Variants in SHTN1 observed in about 807,000 individuals in gnomAD.
SHTN1 encodes shootin-1.
Under a neutral mutation model 83.1 loss-of-function variants are expected in SHTN1, and 42 were observed. The observed-to-expected ratio is 0.51, with a 90% CI of 0.39 to 0.65. The LOEUF (loss-of-function observed/expected upper bound fraction) is 0.65, where lower values mean the gene tolerates loss of function less well. Ranked by LOEUF, SHTN1 falls within the 30% of genes least tolerant of loss-of-function variation. SHTN1 has a pLI of 0.00. For missense variants in SHTN1, 622 were observed against 737.8 expected, an observed-to-expected ratio of 0.84 and a Z score of 1.82; for synonymous variants, 224 against 247.7, an observed-to-expected ratio of 0.90 and a Z score of 0.90.
chr10:116,883,166 C>T lies in SHTN1; in HGVS notation c.*3178G>A, dbSNP rs186570355. ...TGACTTCAACACAGAGCAGTTTACT[C>T]ACCTATCCTCGAGACTGCACTCACC... On this transcript the variant is annotated 3_prime_UTR_variant, in exon 17 of 17. Coordinates refer to ENST00000355371, the MANE Select transcript of SHTN1 (RefSeq NM_001127211.3). 3 of 152,306 alleles carry T rather than the reference C, an allele frequency of 2.0e-5. No homozygotes were observed. 9.4% of individuals were successfully genotyped at this position (152,306 alleles called of 1,614,324 possible). A position where few individuals can be genotyped will look rare whatever the true frequency, so the allele number is the denominator to read the frequency against.
chr10:117,074,851 T>C (rs1054869567), intron 1 of SHTN1, among the ~76,000 whole-genome samples: 21 of 152,090 alleles, frequency 1.4e-4, no homozygotes, highest in African/African-American at 4.8e-4. Context: ...GATGGGCAGA[T>C]AGCAGGTACT....
chr10:116,911,339 G>T (rs893519139), intron 14 of SHTN1, among the ~76,000 whole-genome samples: 4 of 152,138 alleles, frequency 2.6e-5, no homozygotes, highest in Admixed American at 6.5e-5. Context: ...TAATTGTTTC[G>T]ACTGTGAGGA....
intron 16 of SHTN1, chr10:116,900,217 A>G (rs1337258790): frequency 3.8e-6 from 1 of 263,984 alleles, no homozygotes; most frequent in East Asian, 6.6e-5. Context: ...ATTAGGTTTC[A>G]AAGTTTAGAA....
At chr10:116,984,267 A>C (rs1020328107) in intron 1 of SHTN1, among the ~76,000 whole-genome samples, 1 of 152,170 alleles carries the variant, frequency 6.6e-6, no homozygotes, top group Non-Finnish European at 1.5e-5. Context: ...TTTAAATTTT[A>C]ATTGATTGAA....
chr10:116,902,630 G>A (rs1209841106), intron 15 of SHTN1, among the ~76,000 whole-genome samples: 1 of 152,172 alleles, frequency 6.6e-6, no homozygotes, highest in Non-Finnish European at 1.5e-5. Flanking sequence ...GGGCATTGAA[G>A]CCAGTCCCTA....
chr10:116,968,439 A>T (rs1327622537), intron 3 of SHTN1, among the ~76,000 whole-genome samples: 3 of 152,228 alleles, frequency 2.0e-5, no homozygotes, highest in Admixed American at 2.0e-4. Context: ...TAACAAGTAT[A>T]GGTTTTTCTA....
chr10:116,937,657 G>A (rs144583666), intron 9 of SHTN1, among the ~76,000 whole-genome samples: 1,818 of 152,076 alleles, frequency 0.012, 40 homozygotes, highest in African/African-American at 0.041. Flanking sequence ...TGCTCTTCTC[G>A]AGGAGTATCT....
Position 116,930,001 on chromosome 10 carries a change from A to G in SHTN1, c.860T>C (p.Val287Ala). Residue 287 changes from valine (V) to alanine (A), a missense_variant and splice_region_variant, in exon 10 of 17, where the codon GTC becomes GCC. By Grantham distance (64) the Val-to-Ala change is moderately conservative (BLOSUM62 0). Around this residue, in one of 3 missense-constraint regions of SHTN1, gnomAD observed 383 missense variants for 455.8 expected, o/e 0.84. Coordinates refer to ENST00000355371, the MANE Select transcript of SHTN1 (RefSeq NM_001127211.3). The part of the protein sequence containing the change: ...EEERIQHQQK[V>A]KELEEQLENE... ...TTCTAGTTGCTCTTCTAATTCTTTG[A>G]CCTATAAGTTATTTAAAAAAAAAAG... The G allele has an allele frequency of 6.5e-7, 1 of 1,530,712 alleles. No individual in the cohort carries two copies. The highest frequency in any genetic ancestry group is 8.7e-7 in the Non-Finnish European group (1 of 1,143,894). The allele number at this position is 1,530,712 out of a possible 1,614,324, so 94.8% of individuals were successfully genotyped here. A position where few individuals can be genotyped will look rare whatever the true frequency, so the allele number is the denominator to read the frequency against.
At chr10:116,934,078 G>C (rs896217832) in intron 9 of SHTN1, among the ~76,000 whole-genome samples, 3 of 152,092 alleles carry the variant, frequency 2.0e-5, no homozygotes, top group African/African-American at 7.2e-5. Context: ...TTGCCAGAAG[G>C]ATAGAGTGCA....
intron 1 of SHTN1, among the ~76,000 whole-genome samples, chr10:117,074,341 A>G (rs1853124922): frequency 6.6e-6 from 1 of 152,196 alleles, no homozygotes; most frequent in African/African-American, 2.4e-5. Context: ...TCATAGCCAT[A>G]GCACCTCCAA....
rs375033100 is a variant in SHTN1 at position 117,004,944 on chromosome 10, G to C, written c.58+78C>G. Reference sequence around the variant, plus strand: ...CACGTCTCCCGCCCGGCTTCCAACTGCCCTGGCCCCAGCGCCCTGGGGCCG... The same window carrying C: ...CACGTCTCCCGCCCGGCTTCCAACTCCCCTGGCCCCAGCGCCCTGGGGCCG... On this transcript the variant is annotated intron_variant, in intron 1 of 16. Transcript: ENST00000355371. 673 of 1,373,582 alleles carry C rather than the reference G, an allele frequency of 4.9e-4. 5 individuals are homozygous for C. In the African/African-American group the frequency reaches 8.4e-3, roughly 17 times the overall value. 85.1% of individuals were successfully genotyped at this position (1,373,582 alleles called of 1,614,324 possible). A position where few individuals can be genotyped will look rare whatever the true frequency, so the allele number is the denominator to read the frequency against.
At chr10:117,033,438 G>A (rs552085713) in intron 2 of SHTN1, among the ~76,000 whole-genome samples, 211 of 152,074 alleles carry the variant, frequency 1.4e-3, no homozygotes, top group African/African-American at 5.0e-3. Flanking sequence ...AGAAGAAATG[G>A]ACAAATTCCT....
At chr10:116,933,888 T>C (rs544431843) in intron 9 of SHTN1, among the ~76,000 whole-genome samples, 26 of 152,352 alleles carry the variant, frequency 1.7e-4, no homozygotes, top group African/African-American at 5.8e-4. Flanking sequence ...TATCTCATTG[T>C]GGTTTTGATT....
At chr10:116,908,944 C>A (rs1024492901) in intron 14 of SHTN1, among the ~76,000 whole-genome samples, 1 of 152,080 alleles carries the variant, frequency 6.6e-6, no homozygotes, top group African/African-American at 2.4e-5. Context: ...AATACAAGGG[C>A]AATTGTGGAG....
intron 1 of SHTN1, among the ~76,000 whole-genome samples, chr10:116,997,450 C>A (rs183005099): frequency 6.6e-6 from 1 of 152,274 alleles, no homozygotes; most frequent in Non-Finnish European, 1.5e-5. Context: ...CCCTTCAATC[C>A]TTAAGGCATC....
intron 1 of SHTN1, among the ~76,000 whole-genome samples, chr10:117,055,940 C>A (rs1852820498): frequency 1.3e-5 from 2 of 151,934 alleles, no homozygotes; most frequent in African/African-American, 4.8e-5. Context: ...TTTTTTAAGC[C>A]AAAAGAGATA....
intron 16 of SHTN1, 139 bp from the exon 17 acceptor site, chr10:116,886,705 C>A (rs1847175922): frequency 2.0e-5 from 23 of 1,162,066 alleles, no homozygotes; most frequent in Middle Eastern, 4.9e-4. Context: ...CTTTGAGATG[C>A]CAGCCATTTA....
At chr10:116,990,563 T>C (rs954275941) in intron 1 of SHTN1, among the ~76,000 whole-genome samples, 3 of 152,108 alleles carry the variant, frequency 2.0e-5, no homozygotes, top group African/African-American at 7.2e-5. Flanking sequence ...ACAATGAGGG[T>C]CTTTACTTTC....
intron 6 of SHTN1, among the ~76,000 whole-genome samples, chr10:116,950,690 T>C (rs995571438): frequency 6.6e-6 from 1 of 152,178 alleles, no homozygotes; most frequent in Non-Finnish European, 1.5e-5. Flanking sequence ...GTTCTTTTAG[T>C]GTAGGCTTTA....
Sources: allele counts gnomAD v4.1 joint callset (sites outside exome capture counted in the v4.1 genomes callset), GRCh38; gene constraint gnomAD v4.1.1; regional missense constraint gnomAD v4.1.1; transcripts MANE v1.5; gene names NCBI Gene and HGNC (gene_info 2026-07-23, HGNC 2026-07-21).